Variants in PDE12 observed in about 807,000 individuals in gnomAD.
The protein encoded by PDE12 is 2',5'-phosphodiesterase 12.
Under a neutral mutation model 45.4 loss-of-function variants are expected in PDE12, and 26 were observed. That is an observed-to-expected ratio of 0.57 (90% CI 0.42 to 0.79). The LOEUF (loss-of-function observed/expected upper bound fraction) is 0.79. Ranked by LOEUF, PDE12 falls within the 30% of genes least tolerant of loss-of-function variation. The pLI is 0.00. For synonymous variants in PDE12, 283 were observed against 323.9 expected, an observed-to-expected ratio of 0.87 and a Z score of 1.36; for missense variants, 668 against 790.0, an observed-to-expected ratio of 0.85 and a Z score of 1.85.
chr3:57,640,290 A>AT, the PDE12 span, among the ~76,000 whole-genome samples: 1 of 150,476 alleles, frequency 6.6e-6, no homozygotes, highest in Non-Finnish European at 1.5e-5. Context: ...ACAAAAAAAA[A>AT]CAAAAAACAA....
At chr3:57,633,759 G>A in the PDE12 span, among the ~76,000 whole-genome samples, 4 of 151,826 alleles carry the variant, frequency 2.6e-5, no homozygotes, top group South Asian at 2.1e-4. Context: ...GTGTGGTGGC[G>A]GGCACCTGTA....
At chr3:57,645,160 A>G in the PDE12 span, among the ~76,000 whole-genome samples, 1 of 152,150 alleles carries the variant, frequency 6.6e-6, no homozygotes. Flanking sequence ...TATAGCTTCC[A>G]TTAATAAATA....
At chr3:57,583,768 T>C in the PDE12 span, 1 of 685,344 alleles carries the variant, frequency 1.5e-6, no homozygotes, top group Non-Finnish European at 2.5e-6. Flanking sequence ...CTGAAGAATG[T>C]GGAAGTGGTG....
rs1484800970 is a variant in PDE12 at position 57,566,746 on chromosome 3, A to G, written c.*6742A>G. 1 of 152,168 alleles carries G rather than the reference A, an allele frequency of 6.6e-6. No individual in the cohort carries two copies. Among genetic ancestry groups the G allele is most frequent in the African/African-American group, 2.4e-5 (1 of 41,448 alleles). The allele number at this position is 152,168 out of a possible 1,614,324, so 9.4% of individuals were successfully genotyped here. ...TTTCATGTGCTCGTTGGCCATCTAT[A>G]TATCTCTGGAGAAATGTCTTTTGAA... On this transcript the variant is annotated 3_prime_UTR_variant, in exon 3 of 3. Coordinates refer to ENST00000311180, the MANE Select transcript of PDE12 (RefSeq NM_177966.7).
the PDE12 span, chr3:57,654,691 A>G: frequency 1.0e-6 from 1 of 985,196 alleles, no homozygotes; most frequent in Non-Finnish European, 1.2e-6. Context: ...TGATCAAGAA[A>G]GCTGAAACCA....
At chr3:57,624,634 C>T in the PDE12 span, among the ~76,000 whole-genome samples, 2 of 151,462 alleles carry the variant, frequency 1.3e-5, no homozygotes, top group South Asian at 2.1e-4. Flanking sequence ...TGTGGTGGCA[C>T]ATACTTGTAA....
At chr3:57,571,146 C>A (rs1381112860), downstream of PDE12, among the ~76,000 whole-genome samples, 1 of 151,968 alleles carries the variant, frequency 6.6e-6, no homozygotes, top group Admixed American at 6.6e-5. Flanking sequence ...CCAGGCCCTC[C>A]TTTTACCCTT....
chr3:57,606,831 G>C, the PDE12 span, among the ~76,000 whole-genome samples: 4 of 152,244 alleles, frequency 2.6e-5, no homozygotes, highest in South Asian at 8.4e-4. Context: ...CCAGTCTACA[G>C]CTCCCAGTGT....
chr3:57,573,311 C>T, the PDE12 span, among the ~76,000 whole-genome samples: 1 of 152,012 alleles, frequency 6.6e-6, no homozygotes, highest in Admixed American at 6.5e-5. Flanking sequence ...AACGTTCTTG[C>T]TTTTAAATGG....
the PDE12 span, among the ~76,000 whole-genome samples, chr3:57,632,021 C>CTTTTTTT: frequency 1.0e-5 from 1 of 96,026 alleles, no homozygotes; most frequent in African/African-American, 4.1e-5. Flanking sequence ...CGCGCCCGGC[C>CTTTTTTT]TTTTTTTTTT....
At chr3:57,616,088 C>T in the PDE12 span, among the ~76,000 whole-genome samples, 1 of 152,034 alleles carries the variant, frequency 6.6e-6, no homozygotes, top group Non-Finnish European at 1.5e-5. Flanking sequence ...TTTGAGAAGC[C>T]AAGGCAAGAG....
chr3:57,639,352 G>A, the PDE12 span, among the ~76,000 whole-genome samples: 5 of 152,172 alleles, frequency 3.3e-5, no homozygotes, highest in Admixed American at 3.3e-4. Flanking sequence ...AAACAGTTTG[G>A]TGATTTCTTA....
the PDE12 span, among the ~76,000 whole-genome samples, chr3:57,604,509 C>T: frequency 1.3e-5 from 2 of 151,916 alleles, no homozygotes; most frequent in South Asian, 4.2e-4. Context: ...CACTTGTAGT[C>T]CCAGCTACTT....
chr3:57,574,902 G>A, the PDE12 span, among the ~76,000 whole-genome samples: 1 of 150,122 alleles, frequency 6.7e-6, no homozygotes, highest in Non-Finnish European at 1.5e-5. Context: ...AGGCTGGAGT[G>A]CAGTGGCGCG....
downstream of PDE12, among the ~76,000 whole-genome samples, chr3:57,570,340 T>C (rs1245373525): frequency 1.4e-5 from 2 of 147,798 alleles, no homozygotes; most frequent in Non-Finnish European, 1.5e-5. Context: ...GCCTCTCAAG[T>C]AGCTGGGACC....
chr3:57,604,069 G>T, the PDE12 span, among the ~76,000 whole-genome samples: 4 of 151,410 alleles, frequency 2.6e-5, no homozygotes, highest in Non-Finnish European at 1.5e-5. Context: ...GATTACAGGC[G>T]CCTGCCACCA....
At chr3:57,644,534 C>T in the PDE12 span, among the ~76,000 whole-genome samples, 7 of 150,938 alleles carry the variant, frequency 4.6e-5, no homozygotes, top group African/African-American at 1.7e-4. Context: ...TCTCTAACTC[C>T]TGGACTTAAG....
the PDE12 span, among the ~76,000 whole-genome samples, chr3:57,621,266 T>C: frequency 2.6e-5 from 4 of 152,214 alleles, no homozygotes; most frequent in South Asian, 2.1e-4. Context: ...GCTGGGACAA[T>C]TGGATATTCA....
the PDE12 span, among the ~76,000 whole-genome samples, chr3:57,618,608 T>TTTTTG: frequency 4.0e-5 from 1 of 25,218 alleles, no homozygotes. Flanking sequence ...TGCTTTTGTG[T>TTTTTG]TTTTTTTTTT....
Sources: allele counts gnomAD v4.1 joint callset (sites outside exome capture counted in the v4.1 genomes callset), GRCh38; gene constraint gnomAD v4.1.1; transcripts MANE v1.5; gene names NCBI Gene and HGNC (gene_info 2026-07-23, HGNC 2026-07-21).